Variants in ERC2 observed in about 807,000 individuals in gnomAD.
ERC2 encodes ELKS/RAB6-interacting/CAST family member 2.
Under a neutral mutation model 114.8 loss-of-function variants are expected in ERC2, and 42 were observed. The ratio of observed to expected loss-of-function variants is 0.37; its 90% CI spans 0.29 to 0.47. The LOEUF (loss-of-function observed/expected upper bound fraction) is 0.47. Among genes scored for constraint, ERC2 ranks in the 20% least tolerant of loss-of-function variants. ERC2 has a pLI of 0.99. For synonymous variants in ERC2, 454 were observed against 425.5 expected (o/e 1.07, Z -0.82); for missense variants, 939 against 1,150.7 (o/e 0.82, Z 2.66).
In ERC2 at chr3:55,691,560, AAAAAAAAAAAAAAATAT is replaced by A. The variant is rs1452033078; in HGVS notation, c.2848-7718_2848-7702del. Among the ~76,000 whole-genome samples the A allele has an allele frequency of 6.4e-3, 541 of 84,356 alleles. 1 individual carries two copies. The highest frequency in any genetic ancestry group is 9.9e-3 in the Non-Finnish European group (422 of 42,736). The allele number at this position is 84,356 out of a possible 152,430, so 55.3% of individuals were successfully genotyped here. On this transcript the variant is annotated intron_variant, in intron 16 of 17. Transcript: ENST00000288221. Reference sequence around the variant, plus strand: ...TTTGCAATGCAAAAAAAAAAAAAAAAAAAAAAAAAAAAAATATATATATATATATATATATATATATA... The same window carrying A: ...TTTGCAATGCAAAAAAAAAAAAAAAAATATATATATATATATATATATATA...
intron 14 of ERC2, among the ~76,000 whole-genome samples, chr3:55,782,233 C>T (rs539941665): frequency 6.6e-6 from 1 of 152,272 alleles, no homozygotes; most frequent in African/African-American, 2.4e-5. Context: ...CATCAAAGAC[C>T]ACAGGGGTCT....
intron 14 of ERC2, among the ~76,000 whole-genome samples, chr3:55,881,122 C>G (rs1379592075): frequency 6.6e-6 from 1 of 152,138 alleles, no homozygotes; most frequent in Non-Finnish European, 1.5e-5. Flanking sequence ...TGTCTTTTCT[C>G]ATGTTGGCAT....
intron 1 of ERC2, among the ~76,000 whole-genome samples, chr3:56,454,206 C>T (rs1254250384): frequency 6.6e-6 from 1 of 152,190 alleles, no homozygotes; most frequent in Non-Finnish European, 1.5e-5. Flanking sequence ...AAAGGCAACT[C>T]AATGTAGAGC....
At chr3:55,950,376 G>C in intron 13 of ERC2, 49 bp downstream of exon 13, 1 of 1,602,490 alleles carries the variant, frequency 6.2e-7, no homozygotes, top group Middle Eastern at 1.7e-4. Context: ...ATTTCTGAGA[G>C]AGTCCATCTC....
chr3:55,811,962 C>A (rs1465370430), intron 14 of ERC2, among the ~76,000 whole-genome samples: 1 of 152,152 alleles, frequency 6.6e-6, no homozygotes, highest in Non-Finnish European at 1.5e-5. Flanking sequence ...CAGCCCATCA[C>A]CTAGGTATTC....
intron 3 of ERC2, among the ~76,000 whole-genome samples, chr3:56,246,888 G>T (rs529753600): frequency 2.0e-5 from 3 of 152,340 alleles, no homozygotes; most frequent in African/African-American, 7.2e-5. Context: ...TCTAACAACT[G>T]GTGTGGCTCG....
chr3:56,228,675 A>G (rs564562789), intron 3 of ERC2, among the ~76,000 whole-genome samples: 1 of 152,200 alleles, frequency 6.6e-6, no homozygotes, highest in Non-Finnish European at 1.5e-5. Flanking sequence ...GTGTACAAGT[A>G]TCTGAGTTTC....
chr3:56,358,932 C>T (rs2058844347), intron 2 of ERC2, among the ~76,000 whole-genome samples: 1 of 152,130 alleles, frequency 6.6e-6, no homozygotes, highest in Non-Finnish European at 1.5e-5. Flanking sequence ...AAAGAATATG[C>T]AATTCTGGAA....
At chr3:55,512,592 G>A (rs2052165587) in intron 17 of ERC2, among the ~76,000 whole-genome samples, 1 of 152,200 alleles carries the variant, frequency 6.6e-6, no homozygotes, top group African/African-American at 2.4e-5. Context: ...GTATTAAAAT[G>A]CACCAGTCTT....
chr3:55,671,257 C>A (rs1348590469), intron 17 of ERC2, among the ~76,000 whole-genome samples: 1 of 152,206 alleles, frequency 6.6e-6, no homozygotes, highest in Non-Finnish European at 1.5e-5. Flanking sequence ...AACCCACTCT[C>A]TTCTCATTAG....
chr3:56,246,574 C>A (rs2051725755), intron 3 of ERC2, among the ~76,000 whole-genome samples: 3 of 152,096 alleles, frequency 2.0e-5, no homozygotes, highest in Admixed American at 1.3e-4. Context: ...CAATGACCCC[C>A]ATTTTAAAGA....
At chr3:56,459,180 T>C (rs1000534116) in intron 1 of ERC2, among the ~76,000 whole-genome samples, 3 of 152,180 alleles carry the variant, frequency 2.0e-5, no homozygotes, top group African/African-American at 2.4e-5. Flanking sequence ...TAGAGAAATA[T>C]GCCACATAAG....
intron 17 of ERC2, among the ~76,000 whole-genome samples, chr3:55,574,263 C>T (rs1274441569): frequency 1.3e-5 from 2 of 152,184 alleles, no homozygotes; most frequent in Non-Finnish European, 2.9e-5. Context: ...TTCCAGATTC[C>T]TCCTGTTTCA....
At chr3:56,146,347 G>A (rs1299247260) in intron 5 of ERC2, among the ~76,000 whole-genome samples, 1 of 151,980 alleles carries the variant, frequency 6.6e-6, no homozygotes, top group Non-Finnish European at 1.5e-5. Context: ...ATTAATGATA[G>A]GAAACATTAG....
chr3:55,701,094 C>G (rs1298458935), intron 15 of ERC2, among the ~76,000 whole-genome samples: 1 of 152,158 alleles, frequency 6.6e-6, no homozygotes, highest in Non-Finnish European at 1.5e-5. Flanking sequence ...TTGGCAGAGC[C>G]TCCAACCAGT....
At position 55,888,451 on chromosome 3, in the gene ERC2, T is replaced by G; in HGVS notation, c.2502A>C (p.Glu834Asp). ...ASTQQSLAEKEAHLANLRIER... is the reference protein window; with the variant it reads ...ASTQQSLAEKDAHLANLRIER... Reference sequence around the variant, plus strand: ...CAATCCGGAGGTTGGCCAAGTGCGCTTCTTTTTCGGCCAGGGACTGTTGTG... The same window carrying G: ...CAATCCGGAGGTTGGCCAAGTGCGCGTCTTTTTCGGCCAGGGACTGTTGTG... Residue 834 changes from glutamate to aspartate, a missense_variant, in exon 14 of 18, where the codon GAA (glutamate) becomes GAC (aspartate). By Grantham distance (45) the Glu-to-Asp change is conservative (BLOSUM62 2). Transcript: ENST00000288221. The G allele has an allele frequency of 1.2e-6, 2 of 1,613,912 alleles. No individual in the cohort carries two copies. The highest frequency in any genetic ancestry group is 8.5e-7 in the Non-Finnish European group (1 of 1,179,852).
At chr3:55,955,229 A>G (rs2067861832) in intron 12 of ERC2, 1 of 494,734 alleles carries the variant, frequency 2.0e-6, no homozygotes, top group South Asian at 1.5e-5. Flanking sequence ...TCTTCAATTT[A>G]TACTGTATGG....
chr3:56,078,582 T>C (rs1043925615), intron 7 of ERC2, among the ~76,000 whole-genome samples: 4 of 152,126 alleles, frequency 2.6e-5, no homozygotes, highest in Non-Finnish European at 4.4e-5. Flanking sequence ...CCAGCTACTG[T>C]TGTCATCTTT....
intron 3 of ERC2, among the ~76,000 whole-genome samples, chr3:56,201,481 CTT>C (rs2150096123): frequency 6.6e-6 from 1 of 152,310 alleles, no homozygotes; most frequent in East Asian, 1.9e-4. Flanking sequence ...CCTTAATTGT[CTT>C]TTCCTTTCTA....
Sources: gnomAD v4.1 joint callset for allele counts (sites outside exome capture counted in the v4.1 genomes callset) on GRCh38, gnomAD v4.1.1 for gene constraint, MANE v1.5 for transcripts, NCBI Gene and HGNC (gene_info 2026-07-23, HGNC 2026-07-21) for gene names.